The following CC2D2A variants were observed in gnomAD, a reference collection of about 807,000 sequenced individuals.
CC2D2A encodes coiled-coil and C2 domain containing 2A, also known as coiled-coil and C2 domain-containing protein 2A.
CC2D2A carries 155 observed loss-of-function variants against 212.9 expected under a neutral mutation model. That is an observed-to-expected ratio of 0.73 (90% CI 0.64 to 0.83). The LOEUF (loss-of-function observed/expected upper bound fraction) is 0.83. CC2D2A is among the 40% of genes least tolerant of loss of function. CC2D2A has a pLI of 0.00. For synonymous variants in CC2D2A, 667 were observed against 686.5 expected, an observed-to-expected ratio of 0.97 and a Z score of 0.44; for missense variants, 1,856 against 1,956.2, an observed-to-expected ratio of 0.95 and a Z score of 0.97.
chr4:15,526,820 A>G (rs1717534657), intron 11 of CC2D2A, among the ~76,000 whole-genome samples: 1 of 152,210 alleles, frequency 6.6e-6, no homozygotes, highest in African/African-American at 2.4e-5. Flanking sequence ...TATCTGATAC[A>G]TTATATACCA....
chr4:15,479,291 A>G (rs1224370228), intron 3 of CC2D2A: 3 of 1,537,022 alleles, frequency 2.0e-6, no homozygotes, highest in African/African-American at 2.7e-5. Flanking sequence ...TTCCCCTCCT[A>G]GGCTGGGAGC....
chr4:15,487,612 A>G (rs909445831), intron 4 of CC2D2A, among the ~76,000 whole-genome samples: 8 of 151,834 alleles, frequency 5.3e-5, no homozygotes, highest in East Asian at 1.9e-4. Context: ...CAGCCAATCT[A>G]TGTCTTTTGA....
intron 8 of CC2D2A, among the ~76,000 whole-genome samples, chr4:15,512,682 G>T (rs952763920): frequency 2.6e-5 from 4 of 152,088 alleles, no homozygotes; most frequent in African/African-American, 9.7e-5. Flanking sequence ...AAAATGGGCC[G>T]GGTGCGGTGG....
intron 17 of CC2D2A, among the ~76,000 whole-genome samples, chr4:15,550,556 A>T (rs904990634): frequency 6.6e-6 from 1 of 152,210 alleles, no homozygotes; most frequent in Non-Finnish European, 1.5e-5. Context: ...AATAAAAACA[A>T]TTATCCTCGC....
chr4:15,590,207 G>A (rs1048689396), intron 33 of CC2D2A, among the ~76,000 whole-genome samples: 1 of 152,150 alleles, frequency 6.6e-6, no homozygotes, highest in Non-Finnish European at 1.5e-5. Context: ...ACTAAATAAA[G>A]TAGTGGTTAA....
chr4:15,540,985 G>A lies in CC2D2A; in HGVS notation c.2152G>A (p.Val718Ile). 6.4e-7 allele frequency: 1 copy of A among 1,550,964 alleles called. No homozygotes were observed. Among genetic ancestry groups the A allele is most frequent in the Non-Finnish European group, 8.7e-7 (1 of 1,146,590 alleles). ...TGGGCAGATTTTCAATTTGCAAATA[G>A]TCAACTGGCCGGAGAGTTTAACACT... is the stretch of plus-strand genomic sequence containing the variant. Reference protein sequence around the residue: ...HFGQIFNLQIVNWPESLTLQV... With the variant: ...HFGQIFNLQIINWPESLTLQV... Residue 718 changes from valine (V) to isoleucine (I), a missense_variant, in exon 17 of 37, where the codon GTC becomes ATC. By Grantham distance (29) the Val-to-Ile change is conservative. Around this residue, in one of 5 missense-constraint regions of CC2D2A, gnomAD observed 1,512 missense variants for 1,579.3 expected, o/e 0.96. Transcript: ENST00000424120.
At chr4:15,492,862 G>C in intron 4 of CC2D2A, 1 of 584,290 alleles carries the variant, frequency 1.7e-6, no homozygotes, top group East Asian at 4.1e-5. Flanking sequence ...GGAAGAGTGG[G>C]TGTCACTGTT....
chr4:15,574,635 A>G (rs183800853), intron 29 of CC2D2A, among the ~76,000 whole-genome samples: 101 of 152,332 alleles, frequency 6.6e-4, no homozygotes, highest in African/African-American at 2.3e-3. Flanking sequence ...AATGTTCTCA[A>G]TGTGAAGAAA....
intron 3 of CC2D2A, among the ~76,000 whole-genome samples, chr4:15,480,223 TC>T (rs1332683008): frequency 6.6e-5 from 10 of 152,336 alleles, no homozygotes; most frequent in Admixed American, 5.9e-4. Flanking sequence ...AGTCTATCTG[TC>T]CTCAAAGGTG....
chr4:15,550,393 C>T (rs189615276), intron 17 of CC2D2A, among the ~76,000 whole-genome samples: 3 of 152,250 alleles, frequency 2.0e-5, no homozygotes, highest in East Asian at 1.9e-4. Flanking sequence ...GGAGCTTCTC[C>T]GACTGACTTG....
intron 33 of CC2D2A, among the ~76,000 whole-genome samples, chr4:15,592,268 CA>C (rs1165800312): frequency 6.6e-6 from 1 of 152,136 alleles, no homozygotes; most frequent in African/African-American, 2.4e-5. Context: ...ACCCTTTTCC[CA>C]ACCTGGCTAT....
chr4:15,551,497 CTA>C (rs1447035843), intron 18 of CC2D2A, among the ~76,000 whole-genome samples: 1 of 152,152 alleles, frequency 6.6e-6, no homozygotes, highest in Admixed American at 6.5e-5. Flanking sequence ...CTGCTACAAT[CTA>C]TATAATTTCT....
intron 4 of CC2D2A, among the ~76,000 whole-genome samples, chr4:15,498,346 T>C (rs1203459368): frequency 6.6e-6 from 1 of 152,258 alleles, no homozygotes; most frequent in African/African-American, 2.4e-5. Context: ...AGTTCTTGCA[T>C]GCCCTCAAAT....
At chr4:15,574,382 T>C in intron 29 of CC2D2A, 56 bp downstream of exon 29, 2 of 1,349,166 alleles carry the variant, frequency 1.5e-6, no homozygotes, top group Non-Finnish European at 2.0e-6. Flanking sequence ...CAAGAAATGC[T>C]TGCTAGGCTA....
At chr4:15,488,067 C>T (rs937704018) in intron 4 of CC2D2A, among the ~76,000 whole-genome samples, 1 of 152,020 alleles carries the variant, frequency 6.6e-6, no homozygotes, top group Non-Finnish European at 1.5e-5. Context: ...TTTTAGTCTT[C>T]AGGGCTAAAG....
intron 23 of CC2D2A, among the ~76,000 whole-genome samples, chr4:15,562,336 C>T (rs1368075779): frequency 2.0e-5 from 3 of 152,252 alleles, no homozygotes; most frequent in Non-Finnish European, 4.4e-5. Flanking sequence ...GGCTGTTTCA[C>T]ACAGCCATTA....
chr4:15,507,426 C>T (rs998036865), intron 6 of CC2D2A, among the ~76,000 whole-genome samples: 3 of 152,152 alleles, frequency 2.0e-5, no homozygotes, highest in Admixed American at 2.0e-4. Context: ...TTTGACAGCA[C>T]CTCACTTTAG....
Position 15,519,977 on chromosome 4 carries a change from G to C in CC2D2A, c.1149+3221G>C, listed in dbSNP as rs116320866. The C allele has an allele frequency of 3.0e-3, 492 of 163,754 alleles. 3 individuals carry two copies. Among genetic ancestry groups the C allele is most frequent in the Middle Eastern group, 5.0e-3 (2 of 402 alleles). 10.1% of individuals were successfully genotyped at this position (163,754 alleles called of 1,614,324 possible). A position where few individuals can be genotyped will look rare whatever the true frequency, so the allele number is the denominator to read the frequency against. On this transcript the variant is annotated intron_variant, in intron 11 of 36. Coordinates refer to ENST00000424120, the MANE Select transcript of CC2D2A (RefSeq NM_001378615.1). ...AGCACTGATCACATGAAACAGAATG[G>C]GGTGGGTATAACAATCATCATTTTT...
intron 4 of CC2D2A, among the ~76,000 whole-genome samples, chr4:15,495,931 T>C (rs557319375): frequency 6.6e-6 from 1 of 152,322 alleles, no homozygotes; most frequent in East Asian, 1.9e-4. Context: ...AATGGCCATT[T>C]TGACTGGTGT....
Sources: allele counts gnomAD v4.1 joint callset (sites outside exome capture counted in the v4.1 genomes callset), GRCh38; gene constraint gnomAD v4.1.1; regional missense constraint gnomAD v4.1.1; transcripts MANE v1.5; gene names NCBI Gene and HGNC (gene_info 2026-07-23, HGNC 2026-07-21).